UTS2: variants seen among roughly 807,000 people sequenced by gnomAD.
UTS2 encodes the protein urotensin 2, also known as urotensin-2.
Under a neutral mutation model 12.6 loss-of-function variants are expected in UTS2, and 10 were observed. That is an observed-to-expected ratio of 0.80 (90% confidence interval 0.49 to 1.35). The LOEUF is 1.35. Among genes scored for constraint, UTS2 ranks in the 40% most tolerant of loss-of-function variants. The probability of loss-of-function intolerance (pLI) is 0.00; values close to 1 mark genes in which losing one functional copy is unlikely to be tolerated. For synonymous variants in UTS2, 52 were observed against 50.0 expected (o/e 1.04, Z -0.17); for missense variants, 142 against 143.2 (o/e 0.99, Z 0.04).
At chr1:7,850,232 A>C (rs1431717842) in intron 2 of UTS2, among the ~76,000 whole-genome samples, 2 of 152,118 alleles carry the variant, frequency 1.3e-5, no homozygotes, top group Non-Finnish European at 2.9e-5. Context: ...AGCCTCCCAA[A>C]GTGCTGGGAT....
At chr1:7,892,134 T>C in the UTS2 span, among the ~76,000 whole-genome samples, 2 of 152,294 alleles carry the variant, frequency 1.3e-5, no homozygotes, top group African/African-American at 4.8e-5. Flanking sequence ...GCAGAACGCT[T>C]GTCACTGCAT....
At chr1:7,911,338 C>T in the UTS2 span, among the ~76,000 whole-genome samples, 5 of 151,872 alleles carry the variant, frequency 3.3e-5, no homozygotes, top group Non-Finnish European at 7.3e-5. Context: ...TGGCTAAATA[C>T]GTTACTCATG....
chr1:7,848,184 A>T (rs2097409818), intron 3 of UTS2, among the ~76,000 whole-genome samples: 1 of 152,124 alleles, frequency 6.6e-6, no homozygotes, highest in Admixed American at 6.5e-5. Context: ...CAGGTGGCTC[A>T]TGCCTATAAT....
chr1:7,847,772 AC>A lies in UTS2; in HGVS notation c.368del (p.Cys123LeufsTer6), dbSNP rs1558503354. 1.2e-6 allele frequency: 2 copies of A among 1,610,276 alleles called. No homozygotes were observed. The highest frequency in any genetic ancestry group is 2.2e-5 in the South Asian group (2 of 90,446). ...RETPDCFWKY[C>X]V ...AACAGATGCTTATTTCACTTCAGAC[AC>A]AGTATTTCCAGAAGCAATCAGGAGT... On this transcript the variant is annotated frameshift_variant, in exon 4 of 4. Coordinates refer to ENST00000361696, the MANE Select transcript of UTS2 (RefSeq NM_006786.4). LOFTEE classifies it high-confidence loss of function.
chr1:7,855,538 C>A (rs1638290123), upstream of UTS2, among the ~76,000 whole-genome samples: 1 of 152,116 alleles, frequency 6.6e-6, no homozygotes, highest in Admixed American at 6.5e-5. Flanking sequence ...GAGCTGAGAT[C>A]ATGCTGCTGT....
the UTS2 span, among the ~76,000 whole-genome samples, chr1:7,892,767 G>A: frequency 2.6e-5 from 4 of 152,022 alleles, no homozygotes; most frequent in South Asian, 2.1e-4. Flanking sequence ...GATTACAGCT[G>A]TGAGCCACCT....
rs544248706 is a variant in UTS2 at position 7,850,678 on chromosome 1, G to A, written c.214+134C>T. 9.6e-6 allele frequency: 8 copies of A among 833,240 alleles called. No individual in the cohort carries two copies. The East Asian group carries it at 2.1e-4, about 22-fold the overall frequency. The allele number at this position is 833,240 out of a possible 1,614,324, so 51.6% of individuals were successfully genotyped here. A position where few individuals can be genotyped will look rare whatever the true frequency, so the allele number is the denominator to read the frequency against. On this transcript the variant is annotated intron_variant, in intron 2 of 3. Transcript: ENST00000361696. ...AGGTTGCACAGGCCGGGAGGGGAGA[G>A]TGTTGGTAATTACTTATTTTATATA... is the stretch of plus-strand genomic sequence containing the variant.
chr1:7,857,890 CTGTG>C (rs1254251092), upstream of UTS2, among the ~76,000 whole-genome samples: 71 of 149,700 alleles, frequency 4.7e-4, 1 homozygote, highest in Admixed American at 4.1e-3. Flanking sequence ...CATTGTCTGT[CTGTG>C]TATTACATGT....
At chr1:7,908,874 T>C in the UTS2 span, among the ~76,000 whole-genome samples, 24 of 151,778 alleles carry the variant, frequency 1.6e-4, no homozygotes. Context: ...TGGCATGATC[T>C]TGGCTCACTG....
chr1:7,899,180 T>C, the UTS2 span, among the ~76,000 whole-genome samples: 1 of 152,032 alleles, frequency 6.6e-6, no homozygotes, highest in African/African-American at 2.4e-5. Context: ...CCCAATCACC[T>C]CCCACCAGGC....
At chr1:7,884,632 A>C in the UTS2 span, among the ~76,000 whole-genome samples, 2 of 152,314 alleles carry the variant, frequency 1.3e-5, no homozygotes, top group South Asian at 4.1e-4. Flanking sequence ...TTCTAGTGGA[A>C]TATTTCAATG....
At chr1:7,861,664 C>G in the UTS2 span, among the ~76,000 whole-genome samples, 1 of 152,126 alleles carries the variant, frequency 6.6e-6, no homozygotes, top group Admixed American at 6.5e-5. Flanking sequence ...GAGCCTGGCC[C>G]CAGGTAGCCA....
At chr1:7,909,499 G>T in the UTS2 span, among the ~76,000 whole-genome samples, 1 of 138,952 alleles carries the variant, frequency 7.2e-6, no homozygotes, top group Non-Finnish European at 1.5e-5. Flanking sequence ...AGCTGAGATC[G>T]CACCACTACA....
rs2097412284 is a variant in UTS2, at chr1:7,850,006, G to A, written c.215-323C>T. On this transcript the variant is annotated intron_variant, in intron 2 of 3. Coordinates refer to ENST00000361696, the MANE Select transcript of UTS2 (RefSeq NM_006786.4). ...TTTTTTTGAGACAGAGTCTTGCTCTGTTGCCCAGGCTGGAGTGCAGTGGTG... is the reference window on the plus strand; with the variant it reads ...TTTTTTTGAGACAGAGTCTTGCTCTATTGCCCAGGCTGGAGTGCAGTGGTG... Among the ~76,000 whole-genome samples the A allele has an allele frequency of 1.4e-5, 2 of 141,864 alleles. 1 individual carries two copies. Among genetic ancestry groups the A allele is most frequent in the South Asian group, 4.4e-4 (2 of 4,556 alleles). 93.1% of individuals were successfully genotyped at this position (141,864 alleles called of 152,430 possible).
At chr1:7,867,380 A>G in the UTS2 span, among the ~76,000 whole-genome samples, 3 of 152,198 alleles carry the variant, frequency 2.0e-5, no homozygotes, top group Non-Finnish European at 2.9e-5. Context: ...CATTAAGATA[A>G]AAATGGGGTC....
chr1:7,902,988 T>TCTTCCTCC, the UTS2 span, among the ~76,000 whole-genome samples: 1 of 135,890 alleles, frequency 7.4e-6, no homozygotes, highest in African/African-American at 3.7e-5. Flanking sequence ...GTCTGGCTTT[T>TCTTCCTCC]CTCCCTCCCT....
At chr1:7,863,001 T>A in the UTS2 span, among the ~76,000 whole-genome samples, 473 of 20,262 alleles carry the variant, frequency 0.023, 1 homozygote, top group Non-Finnish European at 0.04. Flanking sequence ...TTGTATTGTA[T>A]TGTATTGTAT....
chr1:7,870,374 T>C, the UTS2 span, among the ~76,000 whole-genome samples: 3 of 152,290 alleles, frequency 2.0e-5, no homozygotes, highest in African/African-American at 7.2e-5. Context: ...AACACCTTGA[T>C]CTTGGACTTC....
At chr1:7,870,585 T>C in the UTS2 span, among the ~76,000 whole-genome samples, 1 of 152,190 alleles carries the variant, frequency 6.6e-6, no homozygotes, top group Non-Finnish European at 1.5e-5. Flanking sequence ...GGGAATTTGA[T>C]TTTTCAGGTG....
Sources: gnomAD v4.1 joint callset for allele counts (sites outside exome capture counted in the v4.1 genomes callset) on GRCh38, gnomAD v4.1.1 for gene constraint, MANE v1.5 for transcripts, NCBI Gene and HGNC (gene_info 2026-07-23, HGNC 2026-07-21) for gene names.